The following SLC7A5 variants were observed in gnomAD, a reference collection of about 807,000 sequenced individuals.
The protein encoded by SLC7A5 is solute carrier family 7 member 5, also known as large neutral amino acids transporter small subunit 1.
Under a neutral mutation model 50.2 loss-of-function variants are expected in SLC7A5, and 23 were observed. That is an observed-to-expected ratio of 0.46 (90% confidence interval 0.33 to 0.65). SLC7A5 has a LOEUF of 0.65. SLC7A5 is among the 30% of genes least tolerant of loss of function. The pLI, the probability that SLC7A5 is intolerant of heterozygous loss-of-function variation, is 0.02. For synonymous variants in SLC7A5, 393 were observed against 330.6 expected, an observed-to-expected ratio of 1.19 and a Z score of -2.05; for missense variants, 578 against 684.4, an observed-to-expected ratio of 0.84 and a Z score of 1.73.
At chr16:87,864,313 T>TAAATA (rs528528433) in intron 1 of SLC7A5, among the ~76,000 whole-genome samples, 6 of 151,902 alleles carry the variant, frequency 3.9e-5, no homozygotes, top group African/African-American at 1.4e-4. Context: ...AATAAATAAA[T>TAAATA]AATAAATAAG....
chr16:87,864,721 C>A (rs1326296329), intron 1 of SLC7A5, among the ~76,000 whole-genome samples: 4 of 152,240 alleles, frequency 2.6e-5, no homozygotes, highest in Non-Finnish European at 5.9e-5. Flanking sequence ...ACAGTTGCTA[C>A]TTGGCCCTGA....
Position 87,860,171 on chromosome 16 carries a change from TA to T in SLC7A5, c.539-8323del, listed in dbSNP as rs1343961029. On this transcript the variant is annotated intron_variant, in intron 1 of 9. Coordinates refer to ENST00000261622, the MANE Select transcript of SLC7A5 (RefSeq NM_003486.7). The surrounding 1 kb of genome is among the most constrained non-coding windows in gnomAD (Gnocchi z 4.8). ...AACATGGTGAAACCCCCGTCTCTAC[TA>T]AAAACACAAAATTAGCTGGGCATGG... 2.0e-5 allele frequency among the ~76,000 whole-genome samples: 3 copies of T among 151,624 alleles called. No individual in the cohort carries two copies. The highest frequency in any genetic ancestry group is 4.4e-5 in the Non-Finnish European group (3 of 67,914).
rs78022064 is a variant in SLC7A5 at position 87,837,844 on chromosome 16, C to A, written c.1140+1G>T. The A allele has an allele frequency of 6.2e-7, 1 of 1,601,796 alleles. No individual in the cohort carries two copies. On this transcript the variant is annotated splice_donor_variant, in intron 7 of 9. Transcript: ENST00000261622. LOFTEE classifies it high-confidence loss of function. ...GGCACAGGGCCGTGCAGCAGGCTTA[C>A]CGTGAACACGAGGGACGGCACGGGG...
Position 87,836,492 on chromosome 16 carries a change from G to T in SLC7A5, c.1290+6C>A, listed in dbSNP as rs371378644. On this transcript the variant is annotated splice_donor_region_variant and intron_variant, in intron 8 of 9. Transcript: ENST00000261622. ...TGCCTGGGTGAGCGGGAGGCCCCGG[G>T]CTCACCTTGATGGGCCGCTCAAGCT... 2.5e-5 allele frequency: 40 copies of T among 1,609,310 alleles called. No individual in the cohort carries two copies. The highest frequency in any genetic ancestry group is 3.4e-5 in the Non-Finnish European group (40 of 1,179,878).
intron 2 of SLC7A5, among the ~76,000 whole-genome samples, chr16:87,847,749 G>C (rs185271898): frequency 1.3e-5 from 2 of 152,308 alleles, no homozygotes; most frequent in African/African-American, 2.4e-5. Flanking sequence ...CCTGCCCACT[G>C]CTCACGGCTG....
chr16:87,842,305 G>A (rs2055091704), intron 2 of SLC7A5, among the ~76,000 whole-genome samples: 1 of 152,222 alleles, frequency 6.6e-6, no homozygotes, highest in African/African-American at 2.4e-5. Context: ...CGGGCCCTGG[G>A]GCTGCTGTGT....
chr16:87,842,386 G>A (rs1318255813), intron 2 of SLC7A5, among the ~76,000 whole-genome samples: 4 of 152,202 alleles, frequency 2.6e-5, no homozygotes, highest in African/African-American at 9.7e-5. Flanking sequence ...GTGGTCCAGG[G>A]AACACCGCAG....
intron 2 of SLC7A5, among the ~76,000 whole-genome samples, chr16:87,842,137 C>T (rs576564515): frequency 2.6e-5 from 4 of 152,202 alleles, no homozygotes; most frequent in East Asian, 1.9e-4. Context: ...ACAAAGGAGC[C>T]GGGTCCCCTC....
At chr16:87,844,625 C>T (rs2055126766) in intron 2 of SLC7A5, among the ~76,000 whole-genome samples, 1 of 152,238 alleles carries the variant, frequency 6.6e-6, no homozygotes, top group South Asian at 2.1e-4. Context: ...AACGCAGTGT[C>T]CCTGGAGAGA....
chr16:87,842,839 T>C (rs1343335032), intron 2 of SLC7A5, among the ~76,000 whole-genome samples: 1 of 149,996 alleles, frequency 6.7e-6, no homozygotes, highest in Non-Finnish European at 1.5e-5. Flanking sequence ...TCAGAGCAGC[T>C]CAGGACAGGG....
intron 1 of SLC7A5, among the ~76,000 whole-genome samples, chr16:87,857,447 T>TA (rs1454591500): frequency 6.6e-6 from 1 of 152,202 alleles, no homozygotes; most frequent in Non-Finnish European, 1.5e-5. Flanking sequence ...CACACCGGCC[T>TA]AATTTTTGTA....
chr16:87,838,871 C>T (rs2055046422), intron 5 of SLC7A5, 54 bp from the exon 6 acceptor site: 2 of 1,344,936 alleles, frequency 1.5e-6, no homozygotes, highest in East Asian at 4.6e-5. Flanking sequence ...CTCGCCCTCC[C>T]TGTGCTCACT....
Position 87,845,753 on chromosome 16 carries a change from C to G in SLC7A5, c.665-4598G>C, listed in dbSNP as rs377527889. 1.5e-3 allele frequency among the ~76,000 whole-genome samples: 229 copies of G among 152,300 alleles called. 1 individual carries two copies. The highest frequency in any genetic ancestry group is 5.2e-3 in the African/African-American group (217 of 41,578). On this transcript the variant is annotated intron_variant, in intron 2 of 9. Coordinates refer to ENST00000261622, the MANE Select transcript of SLC7A5 (RefSeq NM_003486.7). ...TTTGCTTAGAGCTGCCAACCTCACA[C>G]CAGAAGTAAAAGCTTTTTCCAACTC...
chr16:87,869,409 C>T lies in SLC7A5; in HGVS notation c.14G>A (p.Gly5Asp). Residue 5 changes from glycine (G) to aspartate (D), a missense_variant, in exon 1 of 10, where the codon GGC becomes GAC. Around this residue, in one of 2 missense-constraint regions of SLC7A5, gnomAD observed 113 missense variants for 89.8 expected, o/e 1.26. Transcript: ENST00000261622. ...CGCCGCTAGCGCGCGCCGCTTCGGG[C>T]CCGCACCCGCCATGCTCTGCGCACC... MAGAGPKRRALAAPA... is the reference protein window; with the variant it reads MAGADPKRRALAAPA... 5 of 1,494,854 alleles carry T rather than the reference C, an allele frequency of 3.3e-6. No homozygotes were observed. The highest frequency in any genetic ancestry group is 1.3e-5 in the South Asian group (1 of 75,134). The allele number at this position is 1,494,854 out of a possible 1,614,324, so 92.6% of individuals were successfully genotyped here.
chr16:87,839,934 G>A, intron 4 of SLC7A5, 109 bp from the exon 5 acceptor site: 1 of 1,457,546 alleles, frequency 6.9e-7, no homozygotes, highest in South Asian at 1.2e-5. Flanking sequence ...CAGCCTCTGT[G>A]CTGGGCTTCT....
At chr16:87,840,776 AG>A (rs1460267818) in intron 3 of SLC7A5, among the ~76,000 whole-genome samples, 4 of 152,172 alleles carry the variant, frequency 2.6e-5, no homozygotes, top group African/African-American at 9.7e-5. Flanking sequence ...AAGGGGCCGC[AG>A]GGCTCAGCCG....
rs769863354 is a variant in SLC7A5 at position 87,851,825 on chromosome 16, T to A, written c.563A>T (p.Tyr188Phe). Reference sequence around the variant, plus strand: ...GACCCGGGTGGCGGCCTTCACGCTGTAGCAGTTCACGGCCGTGAGCAGCAC... The same window carrying A: ...GACCCGGGTGGCGGCCTTCACGCTGAAGCAGTTCACGGCCGTGAGCAGCAC... The part of the protein sequence containing the change: ...CVLLLTAVNC[Y>F]SVKAATRVQD... The change falls in exon 2 of 10, where the codon TAC (tyrosine) becomes TTC (phenylalanine). Residue 188 changes from tyrosine to phenylalanine, a missense_variant. Tyr to Phe is a conservative substitution (Grantham distance 22). Transcript: ENST00000261622. The A allele has an allele frequency of 6.2e-7, 1 of 1,613,068 alleles. No individual in the cohort carries two copies. Among genetic ancestry groups the A allele is most frequent in the Admixed American group, 1.7e-5 (1 of 60,010 alleles).
rs780192788 is a variant in SLC7A5 at position 87,851,874 on chromosome 16, A to G, written c.539-25T>C. On this transcript the variant is annotated intron_variant, in intron 1 of 9. Transcript: ENST00000261622. ...ACTGTGGAGACAGAGGGCAGCGGTG[A>G]GTTCCACGGGCAGACAGACGCCAGC... The G allele has an allele frequency of 3.7e-6, 6 of 1,612,318 alleles. No individual in the cohort carries two copies. In the South Asian group the frequency reaches 5.5e-5, roughly 15 times the overall value.
At chr16:87,849,619 G>A (rs1487947621) in intron 2 of SLC7A5, among the ~76,000 whole-genome samples, 2 of 152,162 alleles carry the variant, frequency 1.3e-5, no homozygotes, top group African/African-American at 2.4e-5. Context: ...GGCACAGGAT[G>A]GATTTGTCTC....
Sources: gnomAD v4.1 joint callset for allele counts (sites outside exome capture counted in the v4.1 genomes callset) on GRCh38, gnomAD v4.1.1 for gene constraint, gnomAD v4.1.1 regional missense constraint, Gnocchi (gnomAD v3.1) non-coding constraint, MANE v1.5 for transcripts, NCBI Gene and HGNC (gene_info 2026-07-23, HGNC 2026-07-21) for gene names.